Variants in THRB observed in about 807,000 individuals in gnomAD.
The protein encoded by THRB is thyroid hormone receptor beta.
Under a neutral mutation model 47.8 loss-of-function variants are expected in THRB, and 12 were observed. The ratio of observed to expected loss-of-function variants is 0.25; its 90% confidence interval spans 0.16 to 0.41. The LOEUF is 0.41. Ranked by LOEUF, THRB falls within the 10% of genes least tolerant of loss-of-function variation. The pLI is 1.00. For missense variants in THRB, 348 were observed against 589.2 expected (o/e 0.59, Z 4.24); for synonymous variants, 218 against 212.2 (o/e 1.03, Z -0.24).
chr3:24,445,127 T>C (rs1173463014), intron 1 of THRB, among the ~76,000 whole-genome samples: 1 of 152,110 alleles, frequency 6.6e-6, no homozygotes, highest in Non-Finnish European at 1.5e-5. Context: ...AATTAAAAGA[T>C]AGATTTAATC....
chr3:24,402,363 C>G lies in THRB; in HGVS notation c.-260-64992G>C, dbSNP rs565169312. Among the ~76,000 whole-genome samples the G allele has an allele frequency of 2.8e-3, 432 of 152,108 alleles. 2 individuals are homozygous for G. Among genetic ancestry groups the G allele is most frequent in the African/African-American group, 9.8e-3 (408 of 41,540 alleles). On this transcript the variant is annotated intron_variant, in intron 1 of 10. Coordinates refer to ENST00000646209, the MANE Select transcript of THRB (RefSeq NM_001354712.2). ...GATCCCCAATCTGACCAAATCAACA[C>G]CTTGAGGGGTTGCCACAAGCTCTCT...
chr3:24,137,549 A>G (rs1376398683), intron 8 of THRB, among the ~76,000 whole-genome samples: 1 of 152,178 alleles, frequency 6.6e-6, no homozygotes, highest in African/African-American at 2.4e-5. Context: ...TTAGGGCCAG[A>G]GGAAGAACAC....
intron 2 of THRB, among the ~76,000 whole-genome samples, chr3:24,337,080 T>C (rs2062308802): frequency 6.6e-6 from 1 of 152,212 alleles, no homozygotes; most frequent in Non-Finnish European, 1.5e-5. Context: ...CACTGCCCTG[T>C]TACTCTTCTT....
intron 6 of THRB, 68 bp downstream of exon 6, chr3:24,152,322 T>C: frequency 1.2e-6 from 1 of 834,136 alleles, no homozygotes; most frequent in Non-Finnish European, 2.1e-6. Context: ...AACATTGCAT[T>C]CTGGAAGAGG....
rs144419650 is a variant in THRB at position 24,446,361 on chromosome 3, C to A, written c.-261+48291G>T. Among the ~76,000 whole-genome samples the A allele has an allele frequency of 2.1e-3, 326 of 152,288 alleles. 1 individual carries two copies. Among genetic ancestry groups the A allele is most frequent in the African/African-American group, 7.7e-3 (318 of 41,560 alleles). On this transcript the variant is annotated intron_variant, in intron 1 of 10. Transcript: ENST00000646209. ...TTCTCTCCTCCTTCAGCTCTGGCCT[C>A]TTCCTGCTCACCTCTGCCAATCTCC... is the stretch of plus-strand genomic sequence containing the variant.
intron 3 of THRB, among the ~76,000 whole-genome samples, chr3:24,230,524 C>T (rs1576134042): frequency 1.3e-5 from 2 of 152,148 alleles, no homozygotes; most frequent in African/African-American, 4.8e-5. Context: ...TACCACAAGC[C>T]CTTTGTCCCA....
At chr3:24,206,711 G>A (rs1040570180) in intron 4 of THRB, among the ~76,000 whole-genome samples, 4 of 152,122 alleles carry the variant, frequency 2.6e-5, no homozygotes, top group Admixed American at 1.3e-4. Flanking sequence ...ATGAATCCAG[G>A]AGCTGGTTTT....
chr3:24,337,144 T>C (rs1206772426), intron 2 of THRB, among the ~76,000 whole-genome samples, 156 bp downstream of exon 2: 2 of 152,206 alleles, frequency 1.3e-5, no homozygotes, highest in African/African-American at 4.8e-5. Context: ...GTTCATTTAA[T>C]GCTTTATATT....
intron 4 of THRB, among the ~76,000 whole-genome samples, chr3:24,195,498 T>C (rs1247814765): frequency 6.6e-6 from 1 of 152,250 alleles, no homozygotes; most frequent in African/African-American, 2.4e-5. Context: ...ATAACAAGTC[T>C]CCTTGCTTTT....
chr3:24,351,607 T>C (rs1054536553), intron 1 of THRB, among the ~76,000 whole-genome samples: 2 of 152,152 alleles, frequency 1.3e-5, no homozygotes, highest in Non-Finnish European at 2.9e-5. Context: ...CTTCTTATAG[T>C]GTATGCATCT....
At chr3:24,202,746 T>C (rs75244707) in intron 4 of THRB, among the ~76,000 whole-genome samples, 6,037 of 152,322 alleles carry the variant, frequency 0.04, 378 homozygotes, top group African/African-American at 0.13. Flanking sequence ...GTGGAGGAGA[T>C]GCTGTGATTA....
intron 1 of THRB, among the ~76,000 whole-genome samples, chr3:24,364,124 G>T (rs929074978): frequency 4.6e-5 from 7 of 152,110 alleles, no homozygotes; most frequent in Admixed American, 3.3e-4. Context: ...TAATATAAAT[G>T]TTTATTCATT....
At chr3:24,205,122 G>A (rs546102959) in intron 4 of THRB, among the ~76,000 whole-genome samples, 149 of 152,226 alleles carry the variant, frequency 9.8e-4, no homozygotes, top group African/African-American at 3.3e-3. Context: ...AGCAAGGCAG[G>A]CCAACATTCA....
At chr3:24,493,397 C>T (rs1262584213) in intron 1 of THRB, among the ~76,000 whole-genome samples, 1 of 152,164 alleles carries the variant, frequency 6.6e-6, no homozygotes, top group African/African-American at 2.4e-5. Context: ...GTGAAGATTG[C>T]CCAACAGGTC....
intron 1 of THRB, among the ~76,000 whole-genome samples, chr3:24,370,032 C>T (rs1199983858): frequency 6.6e-6 from 1 of 151,946 alleles, no homozygotes; most frequent in African/African-American, 2.4e-5. Context: ...TTAAAAGATG[C>T]TAGTTTGGAG....
chr3:24,324,172 G>A (rs964321468), intron 2 of THRB, among the ~76,000 whole-genome samples: 21 of 152,000 alleles, frequency 1.4e-4, no homozygotes, highest in Non-Finnish European at 2.5e-4. Context: ...ATCACACACC[G>A]CACATCTCAG....
chr3:24,320,513 C>G (rs887863259), intron 2 of THRB, among the ~76,000 whole-genome samples: 5 of 152,156 alleles, frequency 3.3e-5, no homozygotes, highest in Non-Finnish European at 7.3e-5. Flanking sequence ...GTGACACCAA[C>G]AAAATGTATG....
intron 3 of THRB, among the ~76,000 whole-genome samples, chr3:24,269,058 G>C (rs1376796513): frequency 1.3e-5 from 2 of 152,112 alleles, no homozygotes; most frequent in African/African-American, 2.4e-5. Flanking sequence ...GATGGACATG[G>C]AATTATGGCA....
chr3:24,335,166 C>T (rs1355598716), intron 2 of THRB, among the ~76,000 whole-genome samples: 1 of 152,190 alleles, frequency 6.6e-6, no homozygotes, highest in Non-Finnish European at 1.5e-5. Context: ...CTCTCTAAAC[C>T]TCCTGGGAGC....
Sources: allele counts gnomAD v4.1 joint callset (sites outside exome capture counted in the v4.1 genomes callset), GRCh38; gene constraint gnomAD v4.1.1; transcripts MANE v1.5; gene names NCBI Gene and HGNC (gene_info 2026-07-23, HGNC 2026-07-21).